PTK2: variants seen among roughly 807,000 people sequenced by gnomAD.
PTK2 encodes the protein focal adhesion kinase 1.
PTK2 carries 45 observed loss-of-function variants against 150.1 expected under a neutral mutation model. The ratio of observed to expected loss-of-function variants is 0.30; its 90% CI spans 0.24 to 0.38. PTK2 has a LOEUF of 0.38. Ranked by LOEUF, PTK2 falls within the 10% of genes least tolerant of loss-of-function variation. The pLI is 1.00. For missense variants in PTK2, 919 were observed against 1,307.3 expected, an observed-to-expected ratio of 0.70 and a Z score of 4.58; for synonymous variants, 432 against 449.2, an observed-to-expected ratio of 0.96 and a Z score of 0.48.
chr8:140,799,495 G>C (rs1468847560), intron 12 of PTK2, among the ~76,000 whole-genome samples: 1 of 152,174 alleles, frequency 6.6e-6, no homozygotes, highest in Admixed American at 6.5e-5. Flanking sequence ...CACAGCGTGA[G>C]CTGCTTTACA....
chr8:140,863,538 CCCTCCGTGTTCTTGTCTAGAAAACA>C (rs2100137489), intron 5 of PTK2, among the ~76,000 whole-genome samples: 1 of 152,330 alleles, frequency 6.6e-6, no homozygotes, highest in East Asian at 1.9e-4. Context: ...TTTCTCTCTC[CCCTCCGTGTTCTTGTCTAGAAAACA>C]CAACTCTTCC....
intron 2 of PTK2, among the ~76,000 whole-genome samples, chr8:140,914,901 T>G (rs1207925575): frequency 6.6e-6 from 1 of 151,504 alleles, no homozygotes; most frequent in Admixed American, 6.6e-5. Context: ...GGCATAGTGG[T>G]GCATGCCTGT....
At chr8:140,678,023 AG>A (rs2100014860) in intron 27 of PTK2, among the ~76,000 whole-genome samples, 2 of 152,114 alleles carry the variant, frequency 1.3e-5, no homozygotes, top group Admixed American at 1.3e-4. Flanking sequence ...ATAGAAGGAG[AG>A]GAACTACACG....
At chr8:140,879,676 G>GGA (rs758363249) in intron 3 of PTK2, 39 bp from the exon 4 acceptor site, 6 of 34,586 alleles carry the variant, frequency 1.7e-4, no homozygotes, top group Non-Finnish European at 2.6e-4. Context: ...GTTATAAACT[G>GGA]AAAAAAAAAA....
chr8:140,728,184 T>C (rs1179626087), intron 22 of PTK2, among the ~76,000 whole-genome samples: 1 of 147,136 alleles, frequency 6.8e-6, no homozygotes, highest in Non-Finnish European at 1.5e-5. Flanking sequence ...TAGATGACAG[T>C]GTGAGACTCC....
At chr8:140,972,623 C>G (rs766649547) in intron 1 of PTK2, among the ~76,000 whole-genome samples, 8 of 152,098 alleles carry the variant, frequency 5.3e-5, no homozygotes, top group Non-Finnish European at 7.4e-5. Flanking sequence ...AATTTGTTTT[C>G]TCTCATTATT....
rs534721665 is a variant in PTK2, at chr8:140,991,445, A to C, written c.-122+9680T>G. On this transcript the variant is annotated intron_variant, in intron 1 of 31. Transcript: ENST00000522684. ...CAAATTCCAAACCAAGATTAAAAAT[A>C]ATTAATCAGTATTAGCATAAAACAT... is the stretch of plus-strand genomic sequence containing the variant. 3.5e-4 allele frequency among the ~76,000 whole-genome samples: 54 copies of C among 152,348 alleles called. No homozygotes were observed. The South Asian group carries it at 7.3e-3, about 21-fold the overall frequency.
chr8:140,838,817 T>C (rs938383465), intron 7 of PTK2, among the ~76,000 whole-genome samples: 5 of 151,942 alleles, frequency 3.3e-5, no homozygotes, highest in African/African-American at 1.2e-4. Context: ...CCATCCTGGC[T>C]AACATGGTGA....
intron 17 of PTK2, among the ~76,000 whole-genome samples, chr8:140,748,387 G>A (rs1280262489): frequency 1.3e-5 from 2 of 151,058 alleles, no homozygotes; most frequent in East Asian, 3.9e-4. Flanking sequence ...CAGCTACTCA[G>A]GAGGCTGAGG....
At chr8:140,826,875 G>C (rs952563646) in intron 8 of PTK2, among the ~76,000 whole-genome samples, 3 of 151,966 alleles carry the variant, frequency 2.0e-5, no homozygotes, top group Admixed American at 2.0e-4. Context: ...CCAAGATCGC[G>C]CCAATGCACT....
At position 140,849,286 on chromosome 8, in the gene PTK2, G is replaced by T. The variant is rs138871607; in HGVS notation, c.451-2608C>A. Among the ~76,000 whole-genome samples, 687 of 152,316 alleles carry T rather than the reference G, an allele frequency of 4.5e-3. 4 individuals carry two copies. Among genetic ancestry groups the T allele is most frequent in the African/African-American group, 0.016 (651 of 41,578 alleles). ...GCAGCTTCCCCTCTGCTGCCAGAGA[G>T]AAAGCAAACTCTATTCAGTGTCTCA... On this transcript the variant is annotated intron_variant, in intron 5 of 31. Coordinates refer to ENST00000522684, the Ensembl canonical transcript of PTK2.
At chr8:140,971,303 T>G (rs1218807415) in intron 1 of PTK2, among the ~76,000 whole-genome samples, 1 of 152,232 alleles carries the variant, frequency 6.6e-6, no homozygotes, top group African/African-American at 2.4e-5. Context: ...AAGTACTATG[T>G]AGAAAGTATT....
chr8:140,991,968 C>A (rs1363826328), intron 1 of PTK2, among the ~76,000 whole-genome samples: 1 of 151,460 alleles, frequency 6.6e-6, no homozygotes, highest in Non-Finnish European at 1.5e-5. Flanking sequence ...CCAGCAAGAC[C>A]CGGTCTCAAA....
chr8:140,731,819 C>T (rs771730001), intron 22 of PTK2, among the ~76,000 whole-genome samples: 9 of 152,132 alleles, frequency 5.9e-5, no homozygotes, highest in Non-Finnish European at 1.2e-4. Context: ...GGGAGAATCA[C>T]TTGAGCATGG....
chr8:140,747,118 T>G, intron 17 of PTK2: 1 of 307,850 alleles, frequency 3.2e-6, no homozygotes, highest in Middle Eastern at 1.1e-3. Flanking sequence ...TCTCGATCTC[T>G]TGACCTCATG....
At chr8:140,766,459 T>C (rs573345143) in intron 14 of PTK2, among the ~76,000 whole-genome samples, 18 of 152,318 alleles carry the variant, frequency 1.2e-4, no homozygotes, top group Middle Eastern at 3.4e-3. Context: ...TTCTTAATCA[T>C]GTTCCCTGAC....
intron 17 of PTK2, among the ~76,000 whole-genome samples, chr8:140,748,040 G>C (rs994885842): frequency 2.0e-5 from 3 of 152,164 alleles, no homozygotes; most frequent in African/African-American, 7.2e-5. Context: ...GCTGCCCTGA[G>C]TGTGGAGACT....
At chr8:140,825,466 T>C (rs2100111271) in intron 8 of PTK2, among the ~76,000 whole-genome samples, 1 of 152,252 alleles carries the variant, frequency 6.6e-6, no homozygotes, top group African/African-American at 2.4e-5. Flanking sequence ...TACTTGAGAA[T>C]CAGATACTAA....
intron 5 of PTK2, among the ~76,000 whole-genome samples, chr8:140,861,760 C>T (rs891771130): frequency 6.6e-6 from 1 of 152,200 alleles, no homozygotes; most frequent in African/African-American, 2.4e-5. Flanking sequence ...CCTAAAATCA[C>T]AGAGCTATTA....
Sources: allele counts gnomAD v4.1 joint callset (sites outside exome capture counted in the v4.1 genomes callset), GRCh38; gene constraint gnomAD v4.1.1; transcripts MANE v1.5; gene names NCBI Gene and HGNC (gene_info 2026-07-23, HGNC 2026-07-21).